Variants in SCARA3 observed in about 807,000 individuals in gnomAD.
SCARA3 encodes the protein cellular stress response gene protein.
SCARA3 carries 39 observed loss-of-function variants against 47.0 expected under a neutral mutation model. That is an observed-to-expected ratio of 0.83 (90% CI 0.64 to 1.08). SCARA3 has a LOEUF of 1.08. Among genes scored for constraint, SCARA3 ranks in the 50% least tolerant of loss-of-function variants. SCARA3 has a pLI of 0.00. For synonymous variants in SCARA3, 356 were observed against 334.1 expected, an observed-to-expected ratio of 1.07 and a Z score of -0.71; for missense variants, 724 against 792.3, an observed-to-expected ratio of 0.91 and a Z score of 1.04.
the SCARA3 span, chr8:27,733,453 C>G: frequency 6.6e-6 from 1 of 152,222 alleles, no homozygotes; most frequent in Admixed American, 6.5e-5. Flanking sequence ...TGAACTCACA[C>G]GTGCCCGGCA....
At chr8:27,712,457 G>A in the SCARA3 span, among the ~76,000 whole-genome samples, 1 of 150,090 alleles carries the variant, frequency 6.7e-6, no homozygotes, top group African/African-American at 2.4e-5. Flanking sequence ...CAGCTACTTG[G>A]GAGGCTGAGG....
At chr8:27,682,238 T>A in the SCARA3 span, among the ~76,000 whole-genome samples, 29 of 152,118 alleles carry the variant, frequency 1.9e-4, no homozygotes, top group Non-Finnish European at 3.1e-4. Context: ...AAAAAATATA[T>A]CTTGATGTTT....
the SCARA3 span, among the ~76,000 whole-genome samples, chr8:27,683,348 T>A: frequency 2.0e-5 from 3 of 152,288 alleles, no homozygotes; most frequent in Admixed American, 2.0e-4. Flanking sequence ...ATATCTTGAT[T>A]AGGGGTGGTG....
rs913164293 is a variant in SCARA3 at position 27,643,701 on chromosome 8, A to C, written c.8-6001A>C. ...CTGAAATCTTTATTTTTACCGATCC[A>C]ATTGGCTGTTTTGAAAACCCACTCT... is the stretch of plus-strand genomic sequence containing the variant. On this transcript the variant is annotated intron_variant, in intron 1 of 5. Coordinates refer to ENST00000301904, the MANE Select transcript of SCARA3 (RefSeq NM_016240.3). Among the ~76,000 whole-genome samples the C allele has an allele frequency of 2.6e-5, 4 of 152,352 alleles. No homozygotes were observed. The South Asian group carries it at 8.3e-4, about 32-fold the overall frequency.
At chr8:27,722,394 C>T in the SCARA3 span, among the ~76,000 whole-genome samples, 1 of 152,222 alleles carries the variant, frequency 6.6e-6, no homozygotes, top group African/African-American at 2.4e-5. Flanking sequence ...TTCATGTTCA[C>T]AGCTACTCTG....
At chr8:27,644,932 C>A (rs1268551429) in intron 1 of SCARA3, among the ~76,000 whole-genome samples, 2 of 152,096 alleles carry the variant, frequency 1.3e-5, no homozygotes, top group Non-Finnish European at 2.9e-5. Flanking sequence ...AACACGACCC[C>A]CCCAAACAAG....
rs559557545 is a variant in SCARA3 at position 27,658,157 on chromosome 8, T to C, written c.326-339T>C. ...TGAGAGGATTGAATAAGATAACAGATATAAAAATACTGGGAGAAATTTTTA... is the reference window on the plus strand; with the variant it reads ...TGAGAGGATTGAATAAGATAACAGACATAAAAATACTGGGAGAAATTTTTA... On this transcript the variant is annotated intron_variant, in intron 4 of 5. Transcript: ENST00000301904. Among the ~76,000 whole-genome samples the C allele has an allele frequency of 2.0e-5, 3 of 152,304 alleles. No individual in the cohort carries two copies. The South Asian group carries it at 6.2e-4, about 32-fold the overall frequency.
the SCARA3 span, among the ~76,000 whole-genome samples, chr8:27,730,355 A>G: frequency 1.3e-5 from 2 of 152,116 alleles, no homozygotes; most frequent in Non-Finnish European, 2.9e-5. Context: ...CTCTTGGATT[A>G]CAAGCCCCAG....
chr8:27,671,298 C>A lies in SCARA3; in HGVS notation c.1768C>A (p.Pro590Thr), dbSNP rs916547334. The change falls in exon 6 of 6, where the codon CCC becomes ACC. Residue 590 changes from proline to threonine, a missense_variant. Physicochemically the swap from Pro to Thr is conservative, Grantham distance 38. Coordinates refer to ENST00000301904, the MANE Select transcript of SCARA3 (RefSeq NM_016240.3). Reference sequence around the variant, plus strand: ...TAAGGGTGAACCAGGGATCCAGGGTCCCCCTGGTCTCCCGGGGCCTCCAGG... The same window carrying A: ...TAAGGGTGAACCAGGGATCCAGGGTACCCCTGGTCTCCCGGGGCCTCCAGG... The part of the protein sequence containing the change: ...GPKGEPGIQG[P>T]PGLPGPPGPP... The A allele has an allele frequency of 7.0e-6, 10 of 1,436,372 alleles. No homozygotes were observed. The African/African-American group carries it at 1.0e-4, about 15-fold the overall frequency. 89.0% of individuals were successfully genotyped at this position (1,436,372 alleles called of 1,614,324 possible).
In SCARA3 at chr8:27,671,501, C is replaced by G. The variant is rs1271290860; in HGVS notation, c.*150C>G. ...GCTGACCCTGCAGCTTTGGGCTCCCCCATAGTGACTGTGCCATAGGAAAGC... is the reference window on the plus strand; with the variant it reads ...GCTGACCCTGCAGCTTTGGGCTCCCGCATAGTGACTGTGCCATAGGAAAGC... On this transcript the variant is annotated 3_prime_UTR_variant, in exon 6 of 6. Transcript: ENST00000301904. The G allele has an allele frequency of 2.3e-6, 3 of 1,294,846 alleles. No individual in the cohort carries two copies. The highest frequency in any genetic ancestry group is 3.1e-5 in the African/African-American group (2 of 64,996). 80.2% of individuals were successfully genotyped at this position (1,294,846 alleles called of 1,614,324 possible). A position where few individuals can be genotyped will look rare whatever the true frequency, so the allele number is the denominator to read the frequency against.
chr8:27,699,116 C>T, the SCARA3 span, among the ~76,000 whole-genome samples: 36 of 151,562 alleles, frequency 2.4e-4, 1 homozygote, highest in Admixed American at 1.3e-3. Flanking sequence ...TGGTGGCGGG[C>T]GCCTGTAGTC....
At chr8:27,730,512 G>T in the SCARA3 span, among the ~76,000 whole-genome samples, 1 of 147,102 alleles carries the variant, frequency 6.8e-6, no homozygotes, top group Non-Finnish European at 1.5e-5. Context: ...TTTTAATCGG[G>T]TCTCACTCAG....
At chr8:27,701,447 A>T in the SCARA3 span, 1 of 152,062 alleles carries the variant, frequency 6.6e-6, no homozygotes, top group Non-Finnish European at 1.5e-5. Flanking sequence ...AGATTTTTTT[A>T]AAATGTTCTC....
At chr8:27,641,697 G>T (rs1171394229) in intron 1 of SCARA3, among the ~76,000 whole-genome samples, 4 of 152,186 alleles carry the variant, frequency 2.6e-5, no homozygotes, top group African/African-American at 7.2e-5. Flanking sequence ...GAGTGCATTG[G>T]GGATGAAGAA....
At chr8:27,648,367 GAGGCCAA>G (rs1332241116) in intron 1 of SCARA3, among the ~76,000 whole-genome samples, 3 of 152,228 alleles carry the variant, frequency 2.0e-5, no homozygotes, top group Non-Finnish European at 2.9e-5. Context: ...AGCACTTTGG[GAGGCCAA>G]GGTGGGTGGA....
rs1279139253 is a variant in SCARA3 at position 27,671,280 on chromosome 8, G to A, written c.1750G>A (p.Glu584Lys). ...GCGGGGGGCCATGGGGCCTAAGGGTGAACCAGGGATCCAGGGTCCCCCTGG... is the reference window on the plus strand; with the variant it reads ...GCGGGGGGCCATGGGGCCTAAGGGTAAACCAGGGATCCAGGGTCCCCCTGG... ...GQRGAMGPKG[E>K]PGIQGPPGLP... Residue 584 changes from glutamate to lysine, a missense_variant, in exon 6 of 6, where the codon GAA becomes AAA. Glu to Lys is a moderately conservative substitution (Grantham distance 56, BLOSUM62 1). Transcript: ENST00000301904. 6.9e-7 allele frequency: 1 copy of A among 1,447,726 alleles called. No individual in the cohort carries two copies. The highest frequency in any genetic ancestry group is 2.6e-5 in the East Asian group (1 of 38,532). 89.7% of individuals were successfully genotyped at this position (1,447,726 alleles called of 1,614,324 possible).
At position 27,659,314 on chromosome 8, in the gene SCARA3, C is replaced by A. The variant is rs369133995; in HGVS notation, c.1144C>A (p.Arg382=). 6.2e-7 allele frequency: 1 copy of A among 1,614,114 alleles called. No homozygotes were observed. The highest frequency in any genetic ancestry group is 1.7e-5 in the Admixed American group (1 of 60,008). The change falls in exon 5 of 6, where the codon CGG becomes AGG. Residue 382 remains arginine (R), a synonymous_variant. Coordinates refer to ENST00000301904, the MANE Select transcript of SCARA3 (RefSeq NM_016240.3). ...CATGCTCAAGTACCTGGATGACGTG[C>A]GGCTCTCCTGCACGCTGGGCTTCCA... ...HSMLKYLDDV[R]LSCTLGFHTH... is the part of the protein sequence containing the mutation.
At chr8:27,728,948 T>G in the SCARA3 span, among the ~76,000 whole-genome samples, 1 of 152,172 alleles carries the variant, frequency 6.6e-6, no homozygotes, top group Non-Finnish European at 1.5e-5. Context: ...GTGCCTTTAG[T>G]CCCAGGTATT....
At chr8:27,693,942 T>G in the SCARA3 span, among the ~76,000 whole-genome samples, 1 of 152,220 alleles carries the variant, frequency 6.6e-6, no homozygotes, top group African/African-American at 2.4e-5. Context: ...AGGTATCGTT[T>G]GATGAATTAT....
Sources: allele counts gnomAD v4.1 joint callset (sites outside exome capture counted in the v4.1 genomes callset), GRCh38; gene constraint gnomAD v4.1.1; transcripts MANE v1.5; gene names NCBI Gene and HGNC (gene_info 2026-07-23, HGNC 2026-07-21).